The following B3GALT1 variants were observed in gnomAD, a reference collection of about 807,000 sequenced individuals.
B3GALT1 encodes beta-1,3-galactosyltransferase 1, also known as UDP-Gal:betaGlcNAc beta 1,3-galactosyltransferase, polypeptide 1.
B3GALT1 carries 10 observed loss-of-function variants against 23.2 expected under a neutral mutation model. The observed-to-expected ratio is 0.43, with a 90% CI of 0.27 to 0.73. The LOEUF (loss-of-function observed/expected upper bound fraction) is 0.73. Among genes scored for constraint, B3GALT1 ranks in the 30% least tolerant of loss-of-function variants. The probability of loss-of-function intolerance (pLI) is 0.21; values close to 1 mark genes in which losing one functional copy is unlikely to be tolerated. For synonymous variants in B3GALT1, 156 were observed against 141.5 expected (o/e 1.10, Z -0.73); for missense variants, 299 against 405.4 (o/e 0.74, Z 2.25).
At chr2:167,493,904 T>C (rs974071989) in intron 2 of B3GALT1, among the ~76,000 whole-genome samples, 1 of 152,168 alleles carries the variant, frequency 6.6e-6, no homozygotes. Flanking sequence ...AAGCTCCTCA[T>C]GTTGTTGTAT....
intron 3 of B3GALT1, among the ~76,000 whole-genome samples, chr2:167,709,046 G>T (rs760547641): frequency 6.6e-6 from 1 of 152,188 alleles, no homozygotes; most frequent in Non-Finnish European, 1.5e-5. Flanking sequence ...TAAATGTTTT[G>T]TTGGGTATTT....
chr2:167,731,476 C>T (rs1210118416), intron 3 of B3GALT1, among the ~76,000 whole-genome samples: 19 of 152,190 alleles, frequency 1.2e-4, no homozygotes, highest in Admixed American at 1.2e-3. Context: ...TGTTTGAACA[C>T]CATATGGAAT....
At chr2:167,582,786 G>T (rs928845489) in intron 2 of B3GALT1, among the ~76,000 whole-genome samples, 1 of 152,126 alleles carries the variant, frequency 6.6e-6, no homozygotes, top group Non-Finnish European at 1.5e-5. Flanking sequence ...TGTGCTGCTG[G>T]ATCTAGAGGC....
chr2:167,553,531 C>A, intron 2 of B3GALT1, among the ~76,000 whole-genome samples: 1 of 152,142 alleles, frequency 6.6e-6, no homozygotes, highest in East Asian at 1.9e-4. Flanking sequence ...CATGCAGAAT[C>A]CCATGGCTGC....
At chr2:167,335,903 G>A (rs1462538125) in intron 1 of B3GALT1, among the ~76,000 whole-genome samples, 1 of 152,018 alleles carries the variant, frequency 6.6e-6, no homozygotes, top group Non-Finnish European at 1.5e-5. Context: ...ATTTTACCCA[G>A]CCCCTATTCA....
At chr2:167,665,807 A>T (rs1393049150) in intron 3 of B3GALT1, among the ~76,000 whole-genome samples, 2 of 151,936 alleles carry the variant, frequency 1.3e-5, no homozygotes, top group Non-Finnish European at 2.9e-5. Context: ...ATCGGTGGTG[A>T]TATCCTCTTT....
chr2:167,484,233 T>G (rs1018998537), intron 1 of B3GALT1, among the ~76,000 whole-genome samples: 92 of 152,284 alleles, frequency 6.0e-4, no homozygotes, highest in Non-Finnish European at 1.1e-3. Flanking sequence ...TTTCTTTTTT[T>G]GGGAGGGAGT....
chr2:167,774,819 A>T (rs1219209040), intron 3 of B3GALT1, among the ~76,000 whole-genome samples: 1 of 151,952 alleles, frequency 6.6e-6, no homozygotes, highest in East Asian at 1.9e-4. Context: ...TTAAAATTTG[A>T]ACTTAAGCTA....
intron 2 of B3GALT1, among the ~76,000 whole-genome samples, chr2:167,535,641 A>G (rs1244250032): frequency 6.6e-6 from 1 of 152,136 alleles, no homozygotes; most frequent in Admixed American, 6.5e-5. Context: ...TATCCCTCCA[A>G]TTTAACAGAT....
At chr2:167,814,810 A>AGAT (rs1558988616) in intron 3 of B3GALT1, 1 of 152,222 alleles carries the variant, frequency 6.6e-6, no homozygotes, top group African/African-American at 2.4e-5. Flanking sequence ...TTGGGCACAG[A>AGAT]GATAGATATG....
intron 2 of B3GALT1, among the ~76,000 whole-genome samples, chr2:167,495,416 C>G (rs1186074270): frequency 6.7e-6 from 1 of 150,324 alleles, no homozygotes; most frequent in East Asian, 2.0e-4. Context: ...TCACTGCAAC[C>G]TCTGCCTCCT....
intron 1 of B3GALT1, among the ~76,000 whole-genome samples, chr2:167,386,944 C>T (rs751431099): frequency 9.2e-5 from 14 of 152,142 alleles, no homozygotes; most frequent in East Asian, 1.9e-4. Context: ...CCTCCTCTGC[C>T]GCTTGAGTGA....
intron 1 of B3GALT1, among the ~76,000 whole-genome samples, chr2:167,337,244 C>A (rs1697072579): frequency 2.0e-5 from 3 of 151,972 alleles, no homozygotes; most frequent in Non-Finnish European, 4.4e-5. Context: ...CAGGTACTTA[C>A]TAGGGGATAT....
chr2:167,659,299 A>G (rs1248493421), intron 3 of B3GALT1, among the ~76,000 whole-genome samples: 1 of 151,674 alleles, frequency 6.6e-6, no homozygotes, highest in African/African-American at 2.4e-5. Context: ...ACCCTTTGTC[A>G]GTAGTTATTC....
At chr2:167,759,844 T>C (rs988066882) in intron 3 of B3GALT1, among the ~76,000 whole-genome samples, 3 of 152,176 alleles carry the variant, frequency 2.0e-5, no homozygotes, top group African/African-American at 7.2e-5. Flanking sequence ...CTTGTTATAA[T>C]AGGAGAGCTC....
intron 1 of B3GALT1, among the ~76,000 whole-genome samples, chr2:167,486,142 C>T (rs1699623981): frequency 6.6e-6 from 1 of 152,214 alleles, no homozygotes; most frequent in African/African-American, 2.4e-5. Flanking sequence ...AGGTGGATCA[C>T]AAGGTCAAGA....
At chr2:167,710,516 A>G (rs1472529746) in intron 3 of B3GALT1, among the ~76,000 whole-genome samples, 1 of 152,164 alleles carries the variant, frequency 6.6e-6, no homozygotes, top group African/African-American at 2.4e-5. Context: ...CCTGCCTTTC[A>G]TTTAGAATTG....
At chr2:167,512,344 G>T (rs575597086) in intron 2 of B3GALT1, among the ~76,000 whole-genome samples, 1 of 150,856 alleles carries the variant, frequency 6.6e-6, no homozygotes, top group Non-Finnish European at 1.5e-5. Context: ...TGTCTATTGA[G>T]ATTATCCTAT....
rs73971209 is a variant in B3GALT1, at chr2:167,651,416, C to T, written c.-352+4450C>T. Among the ~76,000 whole-genome samples the T allele has an allele frequency of 3.7e-3, 563 of 152,234 alleles. 3 individuals carry two copies. Among genetic ancestry groups the T allele is most frequent in the African/African-American group, 0.013 (533 of 41,542 alleles). On this transcript the variant is annotated intron_variant, in intron 3 of 4. Coordinates refer to ENST00000392690, the MANE Select transcript of B3GALT1 (RefSeq NM_020981.4). ...CTGTCTTCTGATAACTTAACATCTTCGTTACTTTCCCTATATATTCATTAC... is the reference window on the plus strand; with the variant it reads ...CTGTCTTCTGATAACTTAACATCTTTGTTACTTTCCCTATATATTCATTAC...
Sources: allele counts gnomAD v4.1 joint callset (sites outside exome capture counted in the v4.1 genomes callset), GRCh38; gene constraint gnomAD v4.1.1; transcripts MANE v1.5; gene names NCBI Gene and HGNC (gene_info 2026-07-23, HGNC 2026-07-21).